RFTN1: variants seen among roughly 807,000 people sequenced by gnomAD.
The protein encoded by RFTN1 is raftlin, lipid raft linker 1.
In RFTN1, 26 loss-of-function variants were observed where a neutral mutation model predicts 46.5. The ratio of observed to expected loss-of-function variants is 0.56; its 90% CI spans 0.41 to 0.78. RFTN1 has a LOEUF of 0.78. Among genes scored for constraint, RFTN1 ranks in the 30% least tolerant of loss-of-function variants. The pLI is 0.00. For missense variants in RFTN1, 693 were observed against 718.7 expected (o/e 0.96, Z 0.41); for synonymous variants, 261 against 284.2 (o/e 0.92, Z 0.82).
rs1004155936 is a variant in RFTN1, at chr3:16,402,769, C to T, written c.441+6606G>A. 2.0e-5 allele frequency among the ~76,000 whole-genome samples: 3 copies of T among 152,122 alleles called. No individual in the cohort carries two copies. Among genetic ancestry groups the T allele is most frequent in the Admixed American group, 6.5e-5 (1 of 15,278 alleles). ...AGGTTGAGGCATAAGTAGCATCATT[C>T]GGTTTTCTGAAGGACAATGTACTCG... On this transcript the variant is annotated intron_variant, in intron 4 of 9. Transcript: ENST00000334133. The surrounding 1 kb of genome is among the most constrained non-coding windows in gnomAD (Gnocchi z 4.5).
chr3:16,328,115 A>T (rs966072657), intron 7 of RFTN1, among the ~76,000 whole-genome samples: 55 of 152,246 alleles, frequency 3.6e-4, no homozygotes, highest in Non-Finnish European at 1.2e-4. Flanking sequence ...ACAGGCTAGC[A>T]GGGGCAACAG....
rs1269507398 is a variant in RFTN1, at chr3:16,356,824, C to T, written c.1146+1108G>A. On this transcript the variant is annotated intron_variant, in intron 7 of 9. Coordinates refer to ENST00000334133, the MANE Select transcript of RFTN1 (RefSeq NM_015150.2). This position sits in a 1 kb window ranked among gnomAD's most constrained non-coding sequence, Gnocchi z 4.9. ...TCCAAAGCATTCAGAAAGCAGTTCT[C>T]TATGTCCATGGCTGGGCACGGTGGC... Among the ~76,000 whole-genome samples the T allele has an allele frequency of 2.0e-5, 3 of 152,216 alleles. No individual in the cohort carries two copies. Among genetic ancestry groups the T allele is most frequent in the Non-Finnish European group, 4.4e-5 (3 of 68,038 alleles).
intron 2 of RFTN1, among the ~76,000 whole-genome samples, chr3:16,469,732 C>T (rs1054260086): frequency 2.0e-5 from 3 of 152,244 alleles, no homozygotes; most frequent in Non-Finnish European, 4.4e-5. Flanking sequence ...GATGCTTGCT[C>T]ACCTTGAACA....
At position 16,422,478 on chromosome 3, in the gene RFTN1, A is replaced by C. The variant is rs898955204; in HGVS notation, c.332+11373T>G. ...ACCCCGTTTCTACTAAAAATACAAAAAAATTAGCTGGGCGTGGTGGCACGT... is the reference window on the plus strand; with the variant it reads ...ACCCCGTTTCTACTAAAAATACAAACAAATTAGCTGGGCGTGGTGGCACGT... On this transcript the variant is annotated intron_variant, in intron 3 of 9. Coordinates refer to ENST00000334133, the MANE Select transcript of RFTN1 (RefSeq NM_015150.2). The surrounding 1 kb of genome is among the most constrained non-coding windows in gnomAD (Gnocchi z 4.6). Among the ~76,000 whole-genome samples, 2 of 152,010 alleles carry C rather than the reference A, an allele frequency of 1.3e-5. No individual in the cohort carries two copies. The highest frequency in any genetic ancestry group is 2.9e-5 in the Non-Finnish European group (2 of 67,998).
intron 4 of RFTN1, among the ~76,000 whole-genome samples, chr3:16,395,159 T>C (rs1410266843): frequency 6.6e-6 from 1 of 152,264 alleles, no homozygotes; most frequent in Non-Finnish European, 1.5e-5. Context: ...ATTCCTCAAA[T>C]GTTATATGCC....
At chr3:16,386,962 AAAT>A (rs2074200467) in intron 4 of RFTN1, among the ~76,000 whole-genome samples, 1 of 152,234 alleles carries the variant, frequency 6.6e-6, no homozygotes, top group African/African-American at 2.4e-5. Flanking sequence ...GCAAAAAGTA[AAAT>A]AATAATTACG....
intron 2 of RFTN1, among the ~76,000 whole-genome samples, chr3:16,467,658 GT>G (rs2076123096): frequency 6.6e-6 from 1 of 152,226 alleles, no homozygotes; most frequent in African/African-American, 2.4e-5. Context: ...GGTGATGACC[GT>G]GCGCCATGGA....
At chr3:16,494,729 C>A (rs1044522293) in intron 1 of RFTN1, among the ~76,000 whole-genome samples, 11 of 152,206 alleles carry the variant, frequency 7.2e-5, no homozygotes, top group Non-Finnish European at 1.3e-4. Context: ...GAATGACTTT[C>A]ACGAAATAGC....
At chr3:16,472,510 A>G (rs2124951443) in intron 2 of RFTN1, 1 of 152,472 alleles carries the variant, frequency 6.6e-6, no homozygotes, top group Admixed American at 6.5e-5. Flanking sequence ...CAGGAAGAGG[A>G]CAGAAAACCT....
Position 16,459,577 on chromosome 3 carries a change from G to A in RFTN1, c.146-25540C>T, listed in dbSNP as rs1006818419. 2.0e-5 allele frequency among the ~76,000 whole-genome samples: 3 copies of A among 152,102 alleles called. No homozygotes were observed. Among genetic ancestry groups the A allele is most frequent in the Non-Finnish European group, 2.9e-5 (2 of 68,018 alleles). ...CACTGCACTCAGCCTGGGTGACAGA[G>A]TGAGACCCTGTGTTTCTAAAATAAT... On this transcript the variant is annotated intron_variant, in intron 2 of 9. Transcript: ENST00000334133. The surrounding 1 kb of genome is among the most constrained non-coding windows in gnomAD (Gnocchi z 4.2).
chr3:16,387,570 TTCTCTCTCTCTCTC>T lies in RFTN1; in HGVS notation c.442-9482_442-9469del, dbSNP rs3054539. 0.023 allele frequency among the ~76,000 whole-genome samples: 2,712 copies of T among 116,504 alleles called. 47 individuals are homozygous for T. The highest frequency in any genetic ancestry group is 0.061 in the Middle Eastern group (14 of 230). 76.4% of individuals were successfully genotyped at this position (116,504 alleles called of 152,430 possible). ...CACTTCTCTCTTCTATATCCTCAAT[TTCTCTCTCTCTCTC>T]TCTCTCTCTCTCTCTCTCTCTCTCT... On this transcript the variant is annotated intron_variant, in intron 4 of 9. Coordinates refer to ENST00000334133, the MANE Select transcript of RFTN1 (RefSeq NM_015150.2). The surrounding 1 kb of genome is among the most constrained non-coding windows in gnomAD (Gnocchi z 5.2).
intron 7 of RFTN1, among the ~76,000 whole-genome samples, chr3:16,343,116 A>T (rs1018383960): frequency 1.3e-5 from 2 of 152,188 alleles, no homozygotes; most frequent in Admixed American, 6.5e-5. Context: ...AAGAGCTGGG[A>T]TTACAGGCAT....
intron 2 of RFTN1, among the ~76,000 whole-genome samples, chr3:16,455,140 A>C (rs961175136): frequency 2.6e-5 from 4 of 152,148 alleles, no homozygotes; most frequent in African/African-American, 9.7e-5. Flanking sequence ...CAAGAGTTGG[A>C]CCCTGTTGGG....
In RFTN1 at chr3:16,327,416, T is replaced by C. The variant is rs1254627412; in HGVS notation, c.1147-540A>G. Among the ~76,000 whole-genome samples the C allele has an allele frequency of 6.6e-6, 1 of 152,168 alleles. No individual in the cohort carries two copies. The highest frequency in any genetic ancestry group is 1.5e-5 in the Non-Finnish European group (1 of 68,018). ...GCAGGGATAAATGAATGCTGCCATG[T>C]TTTATTTCAAATTAGGATTTGGGGA... On this transcript the variant is annotated intron_variant, in intron 7 of 9. Coordinates refer to ENST00000334133, the MANE Select transcript of RFTN1 (RefSeq NM_015150.2). This position sits in a 1 kb window ranked among gnomAD's most constrained non-coding sequence, Gnocchi z 4.2.
chr3:16,497,607 C>T lies in RFTN1; in HGVS notation c.-8-3730G>A, dbSNP rs77784945. ...CCACCCTGCTGCATACTCAGGCAGACCTGCCTTGCTCTGGAAGGCAAGGTG... is the reference window on the plus strand; with the variant it reads ...CCACCCTGCTGCATACTCAGGCAGATCTGCCTTGCTCTGGAAGGCAAGGTG... On this transcript the variant is annotated intron_variant, in intron 1 of 9. Coordinates refer to ENST00000334133, the MANE Select transcript of RFTN1 (RefSeq NM_015150.2). Among the ~76,000 whole-genome samples, 37 of 152,322 alleles carry T rather than the reference C, an allele frequency of 2.4e-4. 1 individual carries two copies. The highest frequency in any genetic ancestry group is 8.7e-4 in the African/African-American group (36 of 41,568).
rs1312848819 is a variant in RFTN1, at chr3:16,410,009, T to TAA, written c.333-528_333-527dup. Among the ~76,000 whole-genome samples the TAA allele has an allele frequency of 9.7e-5, 14 of 144,832 alleles. No homozygotes were observed. The highest frequency in any genetic ancestry group is 4.3e-4 in the South Asian group (2 of 4,616). ...GACGCAGAATATTTTTTTTTTTTTTTAAAAAGAATCATTGGGTCTTTAATG... is the reference window on the plus strand; with the variant it reads ...GACGCAGAATATTTTTTTTTTTTTTTAAAAAAAGAATCATTGGGTCTTTAATG... On this transcript the variant is annotated intron_variant, in intron 3 of 9. Transcript: ENST00000334133. This position sits in a 1 kb window ranked among gnomAD's most constrained non-coding sequence, Gnocchi z 4.6.
In RFTN1 at chr3:16,506,721, C is replaced by A. The variant is rs904809043; in HGVS notation, c.-9+6721G>T. ...GCCGCTGGATGTACCATTTCGAGTT[C>A]AGAGGAGAGCTCCACAGCTCTTGGT... On this transcript the variant is annotated intron_variant, in intron 1 of 9. Transcript: ENST00000334133. The surrounding 1 kb of genome is among the most constrained non-coding windows in gnomAD (Gnocchi z 4.8). 2.6e-5 allele frequency among the ~76,000 whole-genome samples: 4 copies of A among 152,056 alleles called. No homozygotes were observed. The highest frequency in any genetic ancestry group is 9.6e-5 in the African/African-American group (4 of 41,470).
intron 2 of RFTN1, among the ~76,000 whole-genome samples, chr3:16,490,412 G>A (rs1003972461): frequency 1.1e-4 from 16 of 152,276 alleles, no homozygotes; most frequent in Admixed American, 2.6e-4. Flanking sequence ...GGTCCTAGGC[G>A]GGGGCAGTGG....
At position 16,383,102 on chromosome 3, in the gene RFTN1, G is replaced by A. The variant is rs2074050691; in HGVS notation, c.442-5000C>T. Among the ~76,000 whole-genome samples the A allele has an allele frequency of 6.6e-6, 1 of 152,166 alleles. No homozygotes were observed. The highest frequency in any genetic ancestry group is 1.5e-5 in the Non-Finnish European group (1 of 68,016). On this transcript the variant is annotated intron_variant, in intron 4 of 9. Coordinates refer to ENST00000334133, the MANE Select transcript of RFTN1 (RefSeq NM_015150.2). The surrounding 1 kb of genome is among the most constrained non-coding windows in gnomAD (Gnocchi z 4.0). ...AAGAGAAAACTGCTTAAGACATTCT[G>A]TGACTGGTCAAACCTCACAGAACTA...
Sources: gnomAD v4.1 joint callset for allele counts (sites outside exome capture counted in the v4.1 genomes callset) on GRCh38, gnomAD v4.1.1 for gene constraint, Gnocchi (gnomAD v3.1) non-coding constraint, MANE v1.5 for transcripts, NCBI Gene and HGNC (gene_info 2026-07-23, HGNC 2026-07-21) for gene names.